The following MYH16 variants were observed in gnomAD, a reference collection of about 807,000 sequenced individuals.
MYH16 encodes the protein myosin heavy chain 16, also known as putative uncharacterized protein MYH16.
At chr7:99,285,529 A>G in intron 27 of MYH16, 91 bp downstream of exon 9, 1 of 440,600 alleles carries the variant, frequency 2.3e-6, no homozygotes, top group Non-Finnish European at 4.5e-6. Flanking sequence ...TAAGGAAACC[A>G]GTAGAGAAGG....
exon 42 of MYH16, chr7:99,306,623 C>G (rs1329155837): frequency 6.5e-6 from 1 of 152,700 alleles, no homozygotes; most frequent in East Asian, 1.9e-4. Flanking sequence ...ACCAGGCCAA[C>G]CAGACCTTGG....
chr7:99,310,051 GA>G (rs1792739157), downstream of MYH16, among the ~76,000 whole-genome samples: 1 of 151,890 alleles, frequency 6.6e-6, no homozygotes, highest in Admixed American at 6.6e-5. Flanking sequence ...AAACTGAAAA[GA>G]AAAAAATTAA....
chr7:99,275,945 C>G (rs1024057936), intron 20 of MYH16, among the ~76,000 whole-genome samples: 4 of 152,122 alleles, frequency 2.6e-5, no homozygotes, highest in Non-Finnish European at 4.4e-5. Context: ...CCAGGCTGGT[C>G]TTGAACTCCT....
At chr7:99,253,812 G>A (rs1463041411) in exon 8 of MYH16, 1 of 202,380 alleles carries the variant, frequency 4.9e-6, no homozygotes, top group African/African-American at 2.3e-5. Context: ...CAAACAAGAA[G>A]CCTGAACTTG....
At chr7:99,259,681 A>C (rs1791915485) in intron 11 of MYH16, among the ~76,000 whole-genome samples, 1 of 150,384 alleles carries the variant, frequency 6.6e-6, no homozygotes. Context: ...TGGAGACCTC[A>C]TCTCTTTAAT....
At chr7:99,294,102 G>T (rs934776289) in exon 33 of MYH16, 1 of 456,212 alleles carries the variant, frequency 2.2e-6, no homozygotes, top group African/African-American at 2.0e-5. Flanking sequence ...AGAAAAATAA[G>T]CAGAGACTCC....
chr7:99,240,453 G>GAAAAC (rs533835516), intron 1 of MYH16, among the ~76,000 whole-genome samples: 84 of 152,168 alleles, frequency 5.5e-4, no homozygotes, highest in South Asian at 4.1e-3. Flanking sequence ...AGCAAGCAAA[G>GAAAAC]AAAACAAAAC....
chr7:99,303,484 C>T (rs540171680), intron 39 of MYH16, among the ~76,000 whole-genome samples: 1 of 152,370 alleles, frequency 6.6e-6, no homozygotes, highest in East Asian at 1.9e-4. Context: ...ATCTGGGCAG[C>T]CTTTTTGGCA....
intron 20 of MYH16, among the ~76,000 whole-genome samples, chr7:99,274,941 T>C (rs1792091299): frequency 6.6e-6 from 1 of 152,054 alleles, no homozygotes; most frequent in African/African-American, 2.4e-5. Flanking sequence ...CCCAAAGTGC[T>C]GCTGGGATTA....
At chr7:99,283,750 C>A (rs1246347955) in intron 24 of MYH16, 99 bp downstream of exon 6, 1 of 441,524 alleles carries the variant, frequency 2.3e-6, no homozygotes, top group Admixed American at 2.4e-5. Flanking sequence ...ACCAACACAT[C>A]CCCCGGGGCG....
intron 21 of MYH16, among the ~76,000 whole-genome samples, chr7:99,277,916 T>TGTGAGAGAGAGAGA (rs1478749471): frequency 7.6e-6 from 1 of 132,226 alleles, no homozygotes; most frequent in African/African-American, 3.0e-5. Context: ...TGTGTGTGTG[T>TGTGAGAGAGAGAGA]GAGAGAGAGA....
chr7:99,242,208 G>A (rs1204444006), intron 1 of MYH16, among the ~76,000 whole-genome samples: 1 of 152,178 alleles, frequency 6.6e-6, no homozygotes, highest in Non-Finnish European at 1.5e-5. Flanking sequence ...ATGGGGAAGA[G>A]ATCTGCCCAC....
rs1266430891 is a variant in MYH16 at position 99,284,030 on chromosome 7, C to T, written n.3225+12C>T. The T allele has an allele frequency of 6.8e-5, 30 of 442,832 alleles. No homozygotes were observed. Among genetic ancestry groups the T allele is most frequent in the Admixed American group, 6.6e-4 (27 of 40,750 alleles). The allele number at this position is 442,832 out of a possible 1,614,324, so 27.4% of individuals were successfully genotyped here. ...GAGGTGGTGAAAAAGTATGTCTTGTCGTCGTTCGTTTTGTCCATCACAATG... is the reference window on the plus strand; with the variant it reads ...GAGGTGGTGAAAAAGTATGTCTTGTTGTCGTTCGTTTTGTCCATCACAATG... On this transcript the variant is annotated intron_variant and non_coding_transcript_variant, in intron 25 of 41. Coordinates refer to ENST00000439784, the Ensembl canonical transcript of MYH16.
chr7:99,300,572 G>C, intron 37 of MYH16, among the ~76,000 whole-genome samples: 1 of 152,202 alleles, frequency 6.6e-6, no homozygotes, highest in Non-Finnish European at 1.5e-5. Flanking sequence ...GGAGGCTGAA[G>C]AGAGAGGATT....
intron 2 of MYH16, among the ~76,000 whole-genome samples, chr7:99,246,597 G>A (rs149997867): frequency 0.014 from 2,066 of 152,220 alleles, 42 homozygotes; most frequent in African/African-American, 0.046. Context: ...AGCTACTCAA[G>A]AGGCTGAGGC....
intron 20 of MYH16, among the ~76,000 whole-genome samples, chr7:99,275,012 TGACACAGGG>T (rs1440400520): frequency 6.6e-6 from 1 of 151,958 alleles, no homozygotes; most frequent in Non-Finnish European, 1.5e-5. Context: ...AATTTTTTTT[TGACACAGGG>T]TCTCACTCTG....
chr7:99,291,380 T>C (rs1466279159), exon 31 of MYH16: 1 of 456,574 alleles, frequency 2.2e-6, no homozygotes, highest in Non-Finnish European at 4.4e-6. Flanking sequence ...CTCAATCAAA[T>C]CCTACGGATA....
At chr7:99,272,424 C>T (rs1414004578) in intron 19 of MYH16, among the ~76,000 whole-genome samples, 2 of 152,046 alleles carry the variant, frequency 1.3e-5, no homozygotes. Context: ...CAGCCATCTC[C>T]CTAACCTGGT....
chr7:99,256,770 C>T (rs1167725834), intron 9 of MYH16, among the ~76,000 whole-genome samples: 2 of 151,776 alleles, frequency 1.3e-5, no homozygotes, highest in Non-Finnish European at 2.9e-5. Context: ...GGGAGGACTC[C>T]ATCTATAAAT....
Sources: allele counts gnomAD v4.1 joint callset (sites outside exome capture counted in the v4.1 genomes callset), GRCh38; gene constraint gnomAD v4.1.1; transcripts MANE v1.5; gene names NCBI Gene and HGNC (gene_info 2026-07-23, HGNC 2026-07-21).